The following DLG2 variants were observed in gnomAD, a reference collection of about 807,000 sequenced individuals.
DLG2 encodes the protein discs large MAGUK scaffold protein 2, also known as disks large homolog 2.
In DLG2, 45 loss-of-function variants were observed where a neutral mutation model predicts 132.5. That is an observed-to-expected ratio of 0.34 (90% CI 0.27 to 0.44). The LOEUF (loss-of-function observed/expected upper bound fraction) is 0.44, where lower values mean the gene tolerates loss of function less well. Among genes scored for constraint, DLG2 ranks in the 20% least tolerant of loss-of-function variants. DLG2 has a pLI of 1.00. For synonymous variants in DLG2, 424 were observed against 419.6 expected, an observed-to-expected ratio of 1.01 and a Z score of -0.13; for missense variants, 1,045 against 1,196.9, an observed-to-expected ratio of 0.87 and a Z score of 1.87.
intron 6 of DLG2, among the ~76,000 whole-genome samples, chr11:84,968,109 T>C (rs921091538): frequency 2.0e-5 from 3 of 152,120 alleles, no homozygotes; most frequent in Non-Finnish European, 4.4e-5. Flanking sequence ...AATGTAAATA[T>C]TCTAAATGTT....
intron 6 of DLG2, among the ~76,000 whole-genome samples, chr11:84,900,411 C>T (rs190021722): frequency 6.3e-4 from 96 of 152,064 alleles, no homozygotes; most frequent in African/African-American, 2.1e-3. Context: ...GGAATACAAT[C>T]GCAAATAAGC....
chr11:85,532,910 C>T (rs1008683763), intron 3 of DLG2, among the ~76,000 whole-genome samples: 1 of 152,080 alleles, frequency 6.6e-6, no homozygotes, highest in Non-Finnish European at 1.5e-5. Flanking sequence ...AAACAAAAAA[C>T]AATGCATTTT....
At chr11:83,737,635 G>C (rs766981962) in intron 18 of DLG2, among the ~76,000 whole-genome samples, 1 of 152,182 alleles carries the variant, frequency 6.6e-6, no homozygotes, top group African/African-American at 2.4e-5. Flanking sequence ...GTTAACTCTA[G>C]ATAATTGTTA....
At chr11:84,735,998 G>A (rs1290723517) in intron 6 of DLG2, among the ~76,000 whole-genome samples, 2 of 151,788 alleles carry the variant, frequency 1.3e-5, no homozygotes, top group East Asian at 1.9e-4. Context: ...TCACAAAGAT[G>A]TTCTTCTCTT....
chr11:83,923,778 A>G (rs1424288177), intron 15 of DLG2, among the ~76,000 whole-genome samples: 1 of 152,136 alleles, frequency 6.6e-6, no homozygotes, highest in African/African-American at 2.4e-5. Flanking sequence ...CTATAATATA[A>G]TACTAACTAG....
intron 3 of DLG2, among the ~76,000 whole-genome samples, chr11:85,494,293 T>A (rs2093624658): frequency 6.6e-6 from 1 of 152,170 alleles, no homozygotes; most frequent in Non-Finnish European, 1.5e-5. Flanking sequence ...AAATTACCCA[T>A]GCTCCAAACA....
chr11:83,789,880 A>G, intron 17 of DLG2: 2 of 604,694 alleles, frequency 3.3e-6, no homozygotes, highest in Non-Finnish European at 5.2e-6. Flanking sequence ...TTATGGCAGC[A>G]AAAGATTTTG....
At chr11:84,343,018 A>G (rs1282587089) in intron 7 of DLG2, among the ~76,000 whole-genome samples, 1 of 152,212 alleles carries the variant, frequency 6.6e-6, no homozygotes, top group African/African-American at 2.4e-5. Flanking sequence ...AGTCTAGTGA[A>G]GAAGGCAGTC....
intron 3 of DLG2, among the ~76,000 whole-genome samples, chr11:85,522,905 AC>A (rs1000653818): frequency 1.3e-5 from 2 of 152,126 alleles, no homozygotes; most frequent in Non-Finnish European, 2.9e-5. Flanking sequence ...TTGAACTTGA[AC>A]TTTTGGGTTA....
At chr11:83,547,047 C>A (rs2096260315) in intron 19 of DLG2, among the ~76,000 whole-genome samples, 1 of 152,128 alleles carries the variant, frequency 6.6e-6, no homozygotes, top group Non-Finnish European at 1.5e-5. Flanking sequence ...CAGCTCAAAA[C>A]ACTCACACTC....
At chr11:84,041,043 A>T (rs575187613) in intron 11 of DLG2, among the ~76,000 whole-genome samples, 1,980 of 151,708 alleles carry the variant, frequency 0.013, 39 homozygotes, top group African/African-American at 0.043. Flanking sequence ...GGTGTATAAG[A>T]ATGCTTGTGA....
At chr11:83,838,390 G>A (rs1365925874) in intron 16 of DLG2, among the ~76,000 whole-genome samples, 1 of 152,042 alleles carries the variant, frequency 6.6e-6, no homozygotes, top group African/African-American at 2.4e-5. Context: ...AAATCATTAG[G>A]GCAAATGTTT....
intron 7 of DLG2, among the ~76,000 whole-genome samples, chr11:84,350,511 G>A (rs1658222137): frequency 1.3e-5 from 2 of 152,226 alleles, no homozygotes; most frequent in Non-Finnish European, 2.9e-5. Context: ...TGTTCCTTCA[G>A]CTAACCACCA....
intron 6 of DLG2, among the ~76,000 whole-genome samples, chr11:84,777,985 T>A (rs2070994663): frequency 6.6e-6 from 1 of 152,198 alleles, no homozygotes; most frequent in Non-Finnish European, 1.5e-5. Context: ...ATTTTTGGTT[T>A]TGTTGCCTGT....
At position 85,029,243 on chromosome 11, in the gene DLG2, G is replaced by A. The variant is rs757079352; in HGVS notation, c.357+82418C>T. Among the ~76,000 whole-genome samples, 13 of 150,654 alleles carry A rather than the reference G, an allele frequency of 8.6e-5. No individual in the cohort carries two copies. In the East Asian group the frequency reaches 2.1e-3, roughly 25 times the overall value. On this transcript the variant is annotated intron_variant, in intron 6 of 27. Coordinates refer to ENST00000376104, the MANE Select transcript of DLG2 (RefSeq NM_001142699.3). Reference sequence around the variant, plus strand: ...AATTTTGGAATAACTCCACATAGATGAAACAACGTAAACTGCCATGGCTAA... The same window carrying A: ...AATTTTGGAATAACTCCACATAGATAAAACAACGTAAACTGCCATGGCTAA...
chr11:84,598,928 A>G (rs999290358), intron 6 of DLG2, among the ~76,000 whole-genome samples: 1 of 151,720 alleles, frequency 6.6e-6, no homozygotes, highest in Non-Finnish European at 1.5e-5. Flanking sequence ...TGGGTGGCAG[A>G]GTGAGACCCT....
chr11:85,137,814 C>G (rs1045457279), intron 5 of DLG2, among the ~76,000 whole-genome samples: 2 of 152,124 alleles, frequency 1.3e-5, no homozygotes, highest in Non-Finnish European at 2.9e-5. Flanking sequence ...AGCTTGTTAG[C>G]TTAGTAAAAT....
chr11:84,006,024 C>T (rs1831999556), intron 11 of DLG2, among the ~76,000 whole-genome samples: 1 of 151,810 alleles, frequency 6.6e-6, no homozygotes, highest in African/African-American at 2.4e-5. Context: ...GATACTGGTA[C>T]TCACATGTTT....
At chr11:84,168,878 T>C (rs2095744082) in intron 8 of DLG2, among the ~76,000 whole-genome samples, 1 of 151,812 alleles carries the variant, frequency 6.6e-6, no homozygotes, top group Non-Finnish European at 1.5e-5. Flanking sequence ...TGCATTCCTC[T>C]TTTTTAGTAC....
Sources: allele counts gnomAD v4.1 joint callset (sites outside exome capture counted in the v4.1 genomes callset), GRCh38; gene constraint gnomAD v4.1.1; transcripts MANE v1.5; gene names NCBI Gene and HGNC (gene_info 2026-07-23, HGNC 2026-07-21).